TARBP1: variants seen among roughly 807,000 people sequenced by gnomAD.
The protein encoded by TARBP1 is tRNA guanosine 2 -O-methyltransferase TARBP1.
Under a neutral mutation model 178.6 loss-of-function variants are expected in TARBP1, and 144 were observed. The observed-to-expected ratio is 0.81, with a 90% CI of 0.70 to 0.93. The LOEUF (loss-of-function observed/expected upper bound fraction) is 0.93. TARBP1 is among the 40% of genes least tolerant of loss of function. TARBP1 has a pLI of 0.00. For missense variants in TARBP1, 2,067 were observed against 2,011.7 expected, an observed-to-expected ratio of 1.03 and a Z score of -0.53; for synonymous variants, 787 against 781.0, an observed-to-expected ratio of 1.01 and a Z score of -0.13.
intron 24 of TARBP1, among the ~76,000 whole-genome samples, chr1:234,402,590 T>G (rs1405017773): frequency 6.6e-6 from 1 of 152,080 alleles, no homozygotes; most frequent in Non-Finnish European, 1.5e-5. Context: ...TTTGTTTTTT[T>G]TTTGAGACAG....
intron 24 of TARBP1, among the ~76,000 whole-genome samples, chr1:234,401,816 T>G (rs1170395215): frequency 6.6e-6 from 1 of 151,890 alleles, no homozygotes. Flanking sequence ...CTCCCTGGAG[T>G]TCCTATGCCC....
intron 23 of TARBP1, among the ~76,000 whole-genome samples, chr1:234,408,683 A>G (rs527938185): frequency 2.2e-4 from 33 of 151,936 alleles, no homozygotes; most frequent in Non-Finnish European, 4.0e-4. Context: ...ACAAAAGGAC[A>G]CCTCAATTCC....
Position 234,414,682 on chromosome 1 carries a change from G to A in TARBP1, c.3705+3402C>T, listed in dbSNP as rs538268461. Among the ~76,000 whole-genome samples, 4 of 152,208 alleles carry A rather than the reference G, an allele frequency of 2.6e-5. No homozygotes were observed. The East Asian group carries it at 7.7e-4, about 29-fold the overall frequency. ...TCTACCATGGATTCAAGAGTGGGTT[G>A]GGAAGGATGTGAAAAAATAAGGCTG... is the stretch of plus-strand genomic sequence containing the variant. On this transcript the variant is annotated intron_variant, in intron 22 of 29. Coordinates refer to ENST00000040877, the MANE Select transcript of TARBP1 (RefSeq NM_005646.4).
chr1:234,460,805 A>T (rs1306567866), intron 6 of TARBP1, among the ~76,000 whole-genome samples: 1 of 152,008 alleles, frequency 6.6e-6, no homozygotes, highest in African/African-American at 2.4e-5. Context: ...CCTACCAATG[A>T]ATGAATGAAC....
intron 3 of TARBP1, among the ~76,000 whole-genome samples, chr1:234,468,135 G>A (rs1272854822): frequency 2.5e-5 from 3 of 120,870 alleles, no homozygotes; most frequent in East Asian, 2.7e-4. Flanking sequence ...TCAGTATTCC[G>A]TATTCAGGCA....
chr1:234,446,696 T>C, intron 12 of TARBP1, 107 bp downstream of exon 12: 2 of 479,140 alleles, frequency 4.2e-6, no homozygotes, highest in Non-Finnish European at 5.9e-6. Context: ...TTCTAAATTA[T>C]ATAAAAAGTT....
At chr1:234,392,146 T>C (rs572043299) in intron 29 of TARBP1, among the ~76,000 whole-genome samples, 3 of 152,298 alleles carry the variant, frequency 2.0e-5, no homozygotes, top group African/African-American at 7.2e-5. Flanking sequence ...AGAGGATCAC[T>C]TGAGGTCAGG....
Position 234,393,349 on chromosome 1 carries a change from A to G in TARBP1, c.4560+13T>C, listed in dbSNP as rs1659595486. 3 of 1,500,868 alleles carry G rather than the reference A, an allele frequency of 2.0e-6. No individual in the cohort carries two copies. The highest frequency in any genetic ancestry group is 1.8e-6 in the Non-Finnish European group (2 of 1,117,926). The allele number at this position is 1,500,868 out of a possible 1,614,324, so 93.0% of individuals were successfully genotyped here. On this transcript the variant is annotated intron_variant, in intron 28 of 29. Transcript: ENST00000040877. ...GTTTTAAGAACTTTAATAATAAATT[A>G]CTTTCCACCCACCTCCACTAGAGGA...
chr1:234,468,239 G>A lies in TARBP1; in HGVS notation c.1100-589C>T, dbSNP rs546121590. Among the ~76,000 whole-genome samples, 7 of 152,120 alleles carry A rather than the reference G, an allele frequency of 4.6e-5. No homozygotes were observed. The South Asian group carries it at 1.2e-3, about 27-fold the overall frequency. ...AGGCCGAGGCAGATGGATCACATGA[G>A]GCCAGGAGTTTGAGACCAGCCTGGC... On this transcript the variant is annotated intron_variant, in intron 3 of 29. Coordinates refer to ENST00000040877, the MANE Select transcript of TARBP1 (RefSeq NM_005646.4).
chr1:234,414,124 C>T (rs933309459), intron 22 of TARBP1, among the ~76,000 whole-genome samples: 1 of 152,344 alleles, frequency 6.6e-6, no homozygotes. Flanking sequence ...AAGCAATACA[C>T]AAAAACATGG....
At chr1:234,414,889 C>G (rs576033055) in intron 22 of TARBP1, among the ~76,000 whole-genome samples, 1 of 152,110 alleles carries the variant, frequency 6.6e-6, no homozygotes, top group South Asian at 2.1e-4. Flanking sequence ...GAGGCTGAGG[C>G]AGGAGAATTG....
intron 12 of TARBP1, among the ~76,000 whole-genome samples, chr1:234,444,520 C>G (rs1460807197): frequency 6.6e-6 from 1 of 152,144 alleles, no homozygotes; most frequent in African/African-American, 2.4e-5. Flanking sequence ...GCCGTCTGGA[C>G]TACCATCACT....
chr1:234,392,371 G>C (rs762510688), intron 29 of TARBP1, 45 bp downstream of exon 29: 24 of 1,591,740 alleles, frequency 1.5e-5, no homozygotes, highest in Non-Finnish European at 2.0e-5. Context: ...TCTTCCAGTA[G>C]TCTGGGGCTC....
At chr1:234,403,116 G>A (rs368913651) in intron 24 of TARBP1, among the ~76,000 whole-genome samples, 5 of 152,090 alleles carry the variant, frequency 3.3e-5, no homozygotes, top group African/African-American at 9.7e-5. Flanking sequence ...ACTGGATGAC[G>A]TCATTCTCAA....
chr1:234,391,543 T>C lies in TARBP1; in HGVS notation c.*34A>G, dbSNP rs1298796320. 2.6e-6 allele frequency: 4 copies of C among 1,549,070 alleles called. No homozygotes were observed. Among genetic ancestry groups the C allele is most frequent in the Middle Eastern group, 1.9e-4 (1 of 5,134 alleles). ...CCAAATAGTTTTTTTTAAAAAAGTC[T>C]GAACAGCAGCAGCAGTTCACTAAGG... On this transcript the variant is annotated 3_prime_UTR_variant, in exon 30 of 30. Transcript: ENST00000040877.
chr1:234,439,830 C>T (rs1665411133), intron 12 of TARBP1, among the ~76,000 whole-genome samples: 1 of 152,006 alleles, frequency 6.6e-6, no homozygotes, highest in South Asian at 2.1e-4. Flanking sequence ...GTTCCTCTCT[C>T]AGTAATAGAT....
At chr1:234,477,023 T>C (rs1038494666) in intron 1 of TARBP1, among the ~76,000 whole-genome samples, 28 of 152,188 alleles carry the variant, frequency 1.8e-4, no homozygotes, top group Admixed American at 1.5e-3. Context: ...CCGTCTCTAT[T>C]AAAAATACAA....
intron 20 of TARBP1, among the ~76,000 whole-genome samples, chr1:234,425,181 C>G (rs10910430): frequency 0.24 from 36,416 of 151,602 alleles, 4,572 homozygotes; most frequent in East Asian, 0.43. Flanking sequence ...GCCGAGATCC[C>G]AGATCATGCC....
At chr1:234,455,316 A>G (rs1041843269) in intron 9 of TARBP1, among the ~76,000 whole-genome samples, 2 of 152,164 alleles carry the variant, frequency 1.3e-5, no homozygotes, top group Admixed American at 6.5e-5. Context: ...AGCAATCCCA[A>G]TTCTAGGACT....
Sources: allele counts gnomAD v4.1 joint callset (sites outside exome capture counted in the v4.1 genomes callset), GRCh38; gene constraint gnomAD v4.1.1; transcripts MANE v1.5; gene names NCBI Gene and HGNC (gene_info 2026-07-23, HGNC 2026-07-21).